AZIN1: variants seen among roughly 807,000 people sequenced by gnomAD.
AZIN1 encodes antizyme inhibitor 1, also known as ornithine decarboxylase antizyme inhibitor.
In AZIN1, 12 loss-of-function variants were observed where a neutral mutation model predicts 47.4. That is an observed-to-expected ratio of 0.25 (90% CI 0.16 to 0.41). The LOEUF is 0.41. AZIN1 is among the 10% of genes least tolerant of loss of function. AZIN1 has a pLI of 1.00. For missense variants in AZIN1, 410 were observed against 532.4 expected (o/e 0.77, Z 2.26); for synonymous variants, 155 against 176.3 (o/e 0.88, Z 0.96).
intron 2 of AZIN1, among the ~76,000 whole-genome samples, chr8:102,850,333 A>G (rs1812841274): frequency 6.6e-6 from 1 of 152,174 alleles, no homozygotes; most frequent in African/African-American, 2.4e-5. Flanking sequence ...TTCTACTTTT[A>G]TTTTTACATA....
chr8:102,831,641 CAAA>C (rs35860063), intron 9 of AZIN1, among the ~76,000 whole-genome samples: 213 of 83,812 alleles, frequency 2.5e-3, no homozygotes, highest in Middle Eastern at 6.2e-3. Flanking sequence ...AAAACAGTCT[CAAA>C]AAAAAAAAAA....
In AZIN1 at chr8:102,838,738, A is replaced by C; in HGVS notation, c.449+6T>G. 6.2e-7 allele frequency: 1 copy of C among 1,606,344 alleles called. No individual in the cohort carries two copies. Among genetic ancestry groups the C allele is most frequent in the South Asian group, 1.1e-5 (1 of 89,554 alleles). ...AATATTTTCAAGTACTTAATTTTATACTTACTTGGCATTTGGGTGATTACG... is the reference window on the plus strand; with the variant it reads ...AATATTTTCAAGTACTTAATTTTATCCTTACTTGGCATTTGGGTGATTACG... On this transcript the variant is annotated splice_donor_region_variant and intron_variant, in intron 5 of 11. Transcript: ENST00000337198.
At chr8:102,848,844 G>C (rs528870611) in intron 2 of AZIN1, among the ~76,000 whole-genome samples, 1 of 152,244 alleles carries the variant, frequency 6.6e-6, no homozygotes, top group South Asian at 2.1e-4. Flanking sequence ...GAAATATTTT[G>C]CCAAAACGTT....
At chr8:102,834,035 C>T (rs950407642) in intron 8 of AZIN1, among the ~76,000 whole-genome samples, 154 bp downstream of exon 8, 10 of 152,086 alleles carry the variant, frequency 6.6e-5, no homozygotes, top group Admixed American at 5.2e-4. Context: ...TTAGCTAGGT[C>T]TACTAACTGC....
chr8:102,842,040 G>A (rs1812228219), intron 3 of AZIN1, among the ~76,000 whole-genome samples: 1 of 152,046 alleles, frequency 6.6e-6, no homozygotes, highest in Non-Finnish European at 1.5e-5. Flanking sequence ...GAACCAGGGA[G>A]GCCGAGGTTG....
chr8:102,860,602 G>C (rs1238280644), intron 1 of AZIN1, among the ~76,000 whole-genome samples: 1 of 151,948 alleles, frequency 6.6e-6, no homozygotes, highest in East Asian at 1.9e-4. Context: ...ATTCAAGCTG[G>C]CCTTGAATTC....
intron 4 of AZIN1, among the ~76,000 whole-genome samples, chr8:102,839,156 A>C (rs1812016539): frequency 6.6e-6 from 1 of 152,170 alleles, no homozygotes; most frequent in South Asian, 2.1e-4. Context: ...CACTGTGCCT[A>C]GCCAAACCAA....
intron 2 of AZIN1, among the ~76,000 whole-genome samples, chr8:102,853,106 G>A (rs945226300): frequency 2.0e-5 from 3 of 152,252 alleles, no homozygotes; most frequent in African/African-American, 7.2e-5. Flanking sequence ...AACAAGATCA[G>A]GTTGGGTGAA....
At chr8:102,835,940 G>C (rs1170660038) in intron 6 of AZIN1, among the ~76,000 whole-genome samples, 1 of 152,142 alleles carries the variant, frequency 6.6e-6, no homozygotes, top group Non-Finnish European at 1.5e-5. Flanking sequence ...TTTTCATTAA[G>C]AATTCTAGCA....
chr8:102,830,860 T>C (rs1441187097), intron 9 of AZIN1, among the ~76,000 whole-genome samples: 1 of 152,196 alleles, frequency 6.6e-6, no homozygotes, highest in Non-Finnish European at 1.5e-5. Flanking sequence ...TGTGTGTGTG[T>C]GTAGAGACAG....
chr8:102,858,645 C>T (rs1190403488), intron 1 of AZIN1, among the ~76,000 whole-genome samples: 3 of 151,974 alleles, frequency 2.0e-5, no homozygotes, highest in African/African-American at 7.3e-5. Context: ...TGTAAAAATC[C>T]ACCACAATAC....
chr8:102,834,332 C>A, intron 7 of AZIN1, 69 bp from the exon 8 acceptor site: 2 of 1,326,994 alleles, frequency 1.5e-6, no homozygotes, highest in Non-Finnish European at 2.1e-6. Flanking sequence ...TTTTAAAAAC[C>A]CCCTCCTAGG....
chr8:102,840,883 G>A (rs954696758), intron 3 of AZIN1, among the ~76,000 whole-genome samples: 1 of 152,216 alleles, frequency 6.6e-6, no homozygotes, highest in Admixed American at 6.5e-5. Context: ...TTTAACAGTT[G>A]TATTAAGTTA....
intron 4 of AZIN1, 36 bp downstream of exon 4, chr8:102,839,614 A>T: frequency 1.4e-6 from 2 of 1,429,156 alleles, no homozygotes; most frequent in Non-Finnish European, 1.9e-6. Context: ...AAATTATTCA[A>T]TGTTTCAGTT....
rs749673421 is a variant in AZIN1, at chr8:102,843,575, A to C, written c.78T>G (p.Asp26Glu). The change falls in exon 3 of 12, where the codon GAT becomes GAG. Residue 26 changes from aspartate to glutamate, a missense_variant. Asp to Glu is a conservative substitution (Grantham distance 45). This residue lies in a region of AZIN1 where 237 missense variants were observed against 309.4 expected (regional missense o/e 0.77). Transcript: ENST00000337198. ...DEGTNLGNVIDNYVYEHTLTG... is the reference protein window; with the variant it reads ...DEGTNLGNVIENYVYEHTLTG... ...CCAGGGTATGTTCATAAACATAGTT[A>C]TCAATAACATTTCCAAGGTTTGTTC... The C allele has an allele frequency of 1.9e-6, 3 of 1,614,004 alleles. No individual in the cohort carries two copies. The Admixed American group carries it at 5.0e-5, about 27-fold the overall frequency.
intron 6 of AZIN1, 81 bp from the exon 7 acceptor site, chr8:102,834,828 T>C (rs1214456196): frequency 2.3e-6 from 2 of 886,392 alleles, no homozygotes; most frequent in Non-Finnish European, 3.7e-6. Flanking sequence ...CTGTCACTCA[T>C]CATATTCATA....
rs964333151 is a variant in AZIN1, at chr8:102,827,823, A to G, written c.*744T>C. Reference sequence around the variant, plus strand: ...CTCCATAATGAATCTGAACTTCACAATGATTTACCAAACACTTTACTTAAA... The same window carrying G: ...CTCCATAATGAATCTGAACTTCACAGTGATTTACCAAACACTTTACTTAAA... On this transcript the variant is annotated 3_prime_UTR_variant, in exon 12 of 12. Transcript: ENST00000337198. The G allele has an allele frequency of 6.6e-6, 1 of 152,646 alleles. No individual in the cohort carries two copies. The highest frequency in any genetic ancestry group is 1.5e-5 in the Non-Finnish European group (1 of 68,022). The allele number at this position is 152,646 out of a possible 1,614,324, so 9.5% of individuals were successfully genotyped here.
Position 102,826,987 on chromosome 8 carries a change from T to C in AZIN1, c.*1580A>G, listed in dbSNP as rs1811152700. On this transcript the variant is annotated 3_prime_UTR_variant, in exon 12 of 12. Transcript: ENST00000337198. ...AATGGGCATTAATCAAATCAAAAAA[T>C]ATTAAGCACCTACTGGTTTAAGAGA... The C allele has an allele frequency of 6.6e-6, 1 of 152,594 alleles. No homozygotes were observed. The highest frequency in any genetic ancestry group is 2.4e-5 in the African/African-American group (1 of 41,456). The allele number at this position is 152,594 out of a possible 1,614,324, so 9.5% of individuals were successfully genotyped here. A position where few individuals can be genotyped will look rare whatever the true frequency, so the allele number is the denominator to read the frequency against.
rs1005651490 is a variant in AZIN1, at chr8:102,828,312, T to C, written c.*255A>G. 1.4e-5 allele frequency: 4 copies of C among 284,152 alleles called. No individual in the cohort carries two copies. The highest frequency in any genetic ancestry group is 8.8e-5 in the African/African-American group (4 of 45,572). 17.6% of individuals were successfully genotyped at this position (284,152 alleles called of 1,614,324 possible). A position where few individuals can be genotyped will look rare whatever the true frequency, so the allele number is the denominator to read the frequency against. ...CCACTAAGTCATCCATTTTGTTGCA[T>C]ATTTTATTTTAAACGCTTAAGGGGT... On this transcript the variant is annotated 3_prime_UTR_variant, in exon 12 of 12. Transcript: ENST00000337198.
Sources: allele counts gnomAD v4.1 joint callset (sites outside exome capture counted in the v4.1 genomes callset), GRCh38; gene constraint gnomAD v4.1.1; regional missense constraint gnomAD v4.1.1; transcripts MANE v1.5; gene names NCBI Gene and HGNC (gene_info 2026-07-23, HGNC 2026-07-21).